The following DOCK3 variants were observed in gnomAD, a reference collection of about 807,000 sequenced individuals.
The protein encoded by DOCK3 is dedicator of cytokinesis protein 3.
DOCK3 carries 60 observed loss-of-function variants against 265.6 expected under a neutral mutation model. The observed-to-expected ratio is 0.23, with a 90% confidence interval of 0.18 to 0.28. The LOEUF is 0.28. Among genes scored for constraint, DOCK3 ranks in the 10% least tolerant of loss-of-function variants. DOCK3 has a pLI of 1.00. For synonymous variants in DOCK3, 881 were observed against 938.0 expected, an observed-to-expected ratio of 0.94 and a Z score of 1.11; for missense variants, 1,981 against 2,594.3, an observed-to-expected ratio of 0.76 and a Z score of 5.14.
In DOCK3 at chr3:50,757,561, C is replaced by T. The variant is rs2040240174; in HGVS notation, c.38-21114C>T. ...AAGATATGTGATATATAGATATTTTCTCCATTTTGTAGGTTGTCTTTTTAC... is the reference window on the plus strand; with the variant it reads ...AAGATATGTGATATATAGATATTTTTTCCATTTTGTAGGTTGTCTTTTTAC... On this transcript the variant is annotated intron_variant, in intron 1 of 52. Coordinates refer to ENST00000266037, the MANE Select transcript of DOCK3 (RefSeq NM_004947.5). 3.3e-5 allele frequency among the ~76,000 whole-genome samples: 5 copies of T among 150,922 alleles called. No individual in the cohort carries two copies. In the Middle Eastern group the frequency reaches 0.017, roughly 517 times the overall value.
chr3:51,349,212 C>A (rs1262428604), intron 39 of DOCK3, among the ~76,000 whole-genome samples: 1 of 152,142 alleles, frequency 6.6e-6, no homozygotes, highest in Non-Finnish European at 1.5e-5. Context: ...AAGGAGGTGG[C>A]AGCTCAACTT....
At position 51,334,733 on chromosome 3, in the gene DOCK3, C is replaced by G. The variant is rs572989247; in HGVS notation, c.3611+1480C>G. On this transcript the variant is annotated intron_variant, in intron 35 of 52. Coordinates refer to ENST00000266037, the MANE Select transcript of DOCK3 (RefSeq NM_004947.5). ...AGGTGGGTAAAGTGCTGCACCTCCC[C>G]CTTTCCAAAACATTTTCTAAAGTTT... Among the ~76,000 whole-genome samples, 18 of 152,296 alleles carry G rather than the reference C, an allele frequency of 1.2e-4. No individual in the cohort carries two copies. The South Asian group carries it at 3.7e-3, about 32-fold the overall frequency.
chr3:50,762,715 G>A (rs2609024), intron 1 of DOCK3, among the ~76,000 whole-genome samples: 14,334 of 151,626 alleles, frequency 0.095, 827 homozygotes, highest in Non-Finnish European at 0.12. Flanking sequence ...AATATTCTGA[G>A]GTTTTTTTTT....
At position 51,374,709 on chromosome 3, in the gene DOCK3, C is replaced by T. The variant is rs577252536; in HGVS notation, c.5412+122C>T. 351 of 921,284 alleles carry T rather than the reference C, an allele frequency of 3.8e-4. 1 individual carries two copies. The highest frequency in any genetic ancestry group is 1.6e-3 in the Admixed American group (72 of 45,926). The allele number at this position is 921,284 out of a possible 1,614,324, so 57.1% of individuals were successfully genotyped here. ...GCTCTCTCATTCCGCTGTAAGATCC[C>T]GCAAAAGGCCGCTGGGCTTCTGGAT... On this transcript the variant is annotated intron_variant, in intron 50 of 52. Coordinates refer to ENST00000266037, the MANE Select transcript of DOCK3 (RefSeq NM_004947.5). This position sits in a 1 kb window ranked among gnomAD's most constrained non-coding sequence, Gnocchi z 4.8.
intron 3 of DOCK3, among the ~76,000 whole-genome samples, chr3:50,858,463 GT>G (rs1302076397): frequency 7.0e-6 from 1 of 143,546 alleles, no homozygotes; most frequent in Non-Finnish European, 1.5e-5. Flanking sequence ...AAAATAAAAT[GT>G]TTAGTATAGG....
chr3:51,364,063 C>CT (rs2086944984), intron 49 of DOCK3, among the ~76,000 whole-genome samples: 1 of 152,260 alleles, frequency 6.6e-6, no homozygotes, highest in Non-Finnish European at 1.5e-5. Context: ...AATCTCCACA[C>CT]TGTCTTCCAC....
intron 19 of DOCK3, among the ~76,000 whole-genome samples, chr3:51,233,833 T>A (rs896063855): frequency 6.6e-6 from 1 of 152,206 alleles, no homozygotes; most frequent in Non-Finnish European, 1.5e-5. Context: ...CTGGCTTTTT[T>A]AACATATACC....
intron 5 of DOCK3, among the ~76,000 whole-genome samples, chr3:50,934,841 A>G (rs1343354619): frequency 6.6e-6 from 1 of 152,238 alleles, no homozygotes; most frequent in East Asian, 1.9e-4. Flanking sequence ...CATAATATCT[A>G]CACTAAAAGT....
At chr3:51,219,316 T>C (rs889037558) in intron 14 of DOCK3, among the ~76,000 whole-genome samples, 1 of 152,226 alleles carries the variant, frequency 6.6e-6, no homozygotes, top group Non-Finnish European at 1.5e-5. Context: ...GTGTGCTCTG[T>C]CTGCTTATTG....
At chr3:51,095,899 T>C (rs4244705) in intron 9 of DOCK3, among the ~76,000 whole-genome samples, 78,431 of 94,694 alleles carry the variant, frequency 0.83, 32,446 homozygotes, top group Middle Eastern at 0.88. Flanking sequence ...TTGGCCCCCA[T>C]GCTCTCTGGC....
intron 1 of DOCK3, among the ~76,000 whole-genome samples, chr3:50,707,649 G>A (rs1037268135): frequency 6.6e-6 from 1 of 152,142 alleles, no homozygotes; most frequent in Admixed American, 6.6e-5. Flanking sequence ...GCACAGTGGT[G>A]GTGGGTCTGT....
intron 23 of DOCK3, among the ~76,000 whole-genome samples, chr3:51,264,833 T>TAAATAAATAAATA (rs1165925885): frequency 6.7e-6 from 1 of 149,286 alleles, no homozygotes; most frequent in Non-Finnish European, 1.5e-5. Context: ...TCTCAAAAAA[T>TAAATAAATAAATA]AAATAAATAA....
intron 3 of DOCK3, among the ~76,000 whole-genome samples, chr3:50,881,480 CAGAG>C (rs1304105355): frequency 3.3e-5 from 5 of 152,162 alleles, no homozygotes; most frequent in Admixed American, 1.3e-4. Context: ...CAGTAACAGA[CAGAG>C]AGCCAAATCA....
At chr3:50,821,589 C>A (rs2608993) in intron 2 of DOCK3, among the ~76,000 whole-genome samples, 2 of 152,072 alleles carry the variant, frequency 1.3e-5, no homozygotes, top group African/African-American at 2.4e-5. Flanking sequence ...CCTGAGCCAC[C>A]GTGCCTGGCC....
intron 5 of DOCK3, among the ~76,000 whole-genome samples, chr3:50,967,343 A>G (rs991700680): frequency 4.6e-5 from 7 of 152,160 alleles, no homozygotes; most frequent in African/African-American, 1.7e-4. Context: ...ACATGGCAGG[A>G]CTTCCTTTTT....
intron 1 of DOCK3, among the ~76,000 whole-genome samples, chr3:50,703,869 G>A (rs766679716): frequency 2.2e-4 from 33 of 151,270 alleles, no homozygotes; most frequent in East Asian, 1.6e-3. Flanking sequence ...TTCCTTGGAG[G>A]TACATTGGTA....
At chr3:51,377,039 T>C (rs2088196103) in intron 51 of DOCK3, among the ~76,000 whole-genome samples, 1 of 152,234 alleles carries the variant, frequency 6.6e-6, no homozygotes, top group Admixed American at 6.5e-5. Context: ...CAGAGCAACG[T>C]CAGAAGTAGC....
chr3:51,143,416 C>T (rs944056938), intron 9 of DOCK3, among the ~76,000 whole-genome samples: 1 of 151,268 alleles, frequency 6.6e-6, no homozygotes, highest in Non-Finnish European at 1.5e-5. Flanking sequence ...ATTACAGGCA[C>T]CCGCCACTAT....
chr3:50,724,590 A>G (rs1260902301), intron 1 of DOCK3, among the ~76,000 whole-genome samples: 1 of 152,110 alleles, frequency 6.6e-6, no homozygotes, highest in Admixed American at 6.6e-5. Flanking sequence ...GTAACACAGG[A>G]AGAGACCACC....
Sources: gnomAD v4.1 joint callset for allele counts (sites outside exome capture counted in the v4.1 genomes callset) on GRCh38, gnomAD v4.1.1 for gene constraint, Gnocchi (gnomAD v3.1) non-coding constraint, MANE v1.5 for transcripts, NCBI Gene and HGNC (gene_info 2026-07-23, HGNC 2026-07-21) for gene names.